ARMC2: variants seen among roughly 807,000 people sequenced by gnomAD.
The protein encoded by ARMC2 is armadillo repeat-containing protein 2.
In ARMC2, 67 loss-of-function variants were observed where a neutral mutation model predicts 90.3. That is an observed-to-expected ratio of 0.74 (90% CI 0.61 to 0.91). The LOEUF is 0.91. ARMC2 is among the 40% of genes least tolerant of loss of function. ARMC2 has a pLI of 0.00. For missense variants in ARMC2, 920 were observed against 1,030.9 expected, an observed-to-expected ratio of 0.89 and a Z score of 1.47; for synonymous variants, 393 against 393.0, an observed-to-expected ratio of 1.00 and a Z score of 0.00.
At chr6:108,994,508 T>C in the ARMC2 span, 9 of 1,613,336 alleles carry the variant, frequency 5.6e-6, no homozygotes, top group Non-Finnish European at 7.6e-6. Context: ...TTTCAAAACG[T>C]GAAGCCATCT....
chr6:109,016,580 T>C, the ARMC2 span, among the ~76,000 whole-genome samples: 1 of 152,262 alleles, frequency 6.6e-6, no homozygotes, highest in African/African-American at 2.4e-5. Context: ...TGCTGTTCAC[T>C]GAACTTTCCT....
intron 3 of ARMC2, among the ~76,000 whole-genome samples, chr6:108,859,337 G>A (rs1774977774): frequency 6.6e-6 from 1 of 151,914 alleles, no homozygotes; most frequent in Non-Finnish European, 1.5e-5. Context: ...TTCTCCTTGT[G>A]CTGGCTTTTT....
intron 12 of ARMC2, among the ~76,000 whole-genome samples, chr6:108,942,996 G>A (rs939269370): frequency 6.6e-6 from 1 of 152,208 alleles, no homozygotes; most frequent in African/African-American, 2.4e-5. Context: ...AGCGGATGGG[G>A]AGCTTCACAG....
intron 12 of ARMC2, among the ~76,000 whole-genome samples, chr6:108,950,674 A>G (rs1160080691): frequency 6.6e-6 from 1 of 152,194 alleles, no homozygotes; most frequent in African/African-American, 2.4e-5. Context: ...ACTATTGGAT[A>G]GTAAGCTTAG....
rs376422868 is a variant in ARMC2, at chr6:108,886,680, T to A, written c.672-7787T>A. Among the ~76,000 whole-genome samples, 25 of 152,282 alleles carry A rather than the reference T, an allele frequency of 1.6e-4. 1 individual carries two copies. The highest frequency in any genetic ancestry group is 1.4e-3 in the East Asian group (7 of 5,182). ...TTTACAGCCCTTGAGCTAATAATGG[T>A]TTATACACTTTTTTAAATCATTACA... On this transcript the variant is annotated intron_variant, in intron 5 of 17. Transcript: ENST00000392644.
chr6:108,970,788 G>A (rs936843348), intron 17 of ARMC2, among the ~76,000 whole-genome samples: 3 of 151,870 alleles, frequency 2.0e-5, no homozygotes, highest in Admixed American at 6.6e-5. Flanking sequence ...GTGAGCCACC[G>A]TACCCAGAAT....
chr6:109,008,078 CG>C, the ARMC2 span, among the ~76,000 whole-genome samples: 1 of 152,112 alleles, frequency 6.6e-6, no homozygotes, highest in Non-Finnish European at 1.5e-5. Flanking sequence ...CAAAGCTTCC[CG>C]GTTTCCTCAA....
the ARMC2 span, chr6:108,993,092 T>C: frequency 3.9e-6 from 2 of 517,188 alleles, no homozygotes; most frequent in Non-Finnish European, 6.8e-6. Flanking sequence ...TTTTCTGTTA[T>C]AAAATGAAAA....
chr6:109,000,799 A>G, the ARMC2 span: 7 of 710,612 alleles, frequency 9.9e-6, no homozygotes, highest in Non-Finnish European at 1.4e-5. Context: ...CGTAAACTAC[A>G]GAAATGCAGT....
chr6:108,991,752 G>A, the ARMC2 span, among the ~76,000 whole-genome samples: 1 of 151,942 alleles, frequency 6.6e-6, no homozygotes. Flanking sequence ...ATGCCATCAC[G>A]CTGGTCAAAG....
At chr6:109,030,551 G>A in the ARMC2 span, among the ~76,000 whole-genome samples, 1 of 152,122 alleles carries the variant, frequency 6.6e-6, no homozygotes, top group African/African-American at 2.4e-5. Flanking sequence ...AGGATGGGGT[G>A]GGAATAGGTG....
At chr6:108,952,917 C>A in intron 12 of ARMC2, 116 bp from the exon 13 acceptor site, 1 of 1,022,138 alleles carries the variant, frequency 9.8e-7, no homozygotes, top group Non-Finnish European at 1.4e-6. Context: ...GAGCCGAAGC[C>A]AGACGTGTTC....
chr6:108,926,207 A>G (rs1227070693), intron 10 of ARMC2, among the ~76,000 whole-genome samples: 1 of 152,148 alleles, frequency 6.6e-6, no homozygotes, highest in Non-Finnish European at 1.5e-5. Flanking sequence ...TGGGTATTTC[A>G]TGGTTTCCCA....
At chr6:108,992,990 C>T in the ARMC2 span, 1 of 763,302 alleles carries the variant, frequency 1.3e-6, no homozygotes, top group East Asian at 2.6e-5. Flanking sequence ...ATAACTCTTT[C>T]TCTGATACTG....
Position 108,848,476 on chromosome 6 carries a change from G to T in ARMC2, c.-114G>T, listed in dbSNP as rs1251003726. The T allele has an allele frequency of 1.3e-5, 2 of 152,410 alleles. No homozygotes were observed. The highest frequency in any genetic ancestry group is 2.9e-5 in the Non-Finnish European group (2 of 68,174). The allele number at this position is 152,410 out of a possible 1,614,324, so 9.4% of individuals were successfully genotyped here. ...CGCCCGCGCCAGCGCTGCATCCCTGGCCGCTACCCGGGGAGAGCCGGAGGA... is the reference window on the plus strand; with the variant it reads ...CGCCCGCGCCAGCGCTGCATCCCTGTCCGCTACCCGGGGAGAGCCGGAGGA... On this transcript the variant is annotated 5_prime_UTR_variant, in exon 1 of 18. Transcript: ENST00000392644.
intron 3 of ARMC2, among the ~76,000 whole-genome samples, chr6:108,858,756 C>G (rs1472367067): frequency 6.6e-6 from 1 of 152,092 alleles, no homozygotes; most frequent in African/African-American, 2.4e-5. Flanking sequence ...CTCCTGTCCC[C>G]TTGTTCTTCA....
intron 17 of ARMC2, among the ~76,000 whole-genome samples, chr6:108,965,691 A>T (rs1322723825): frequency 6.6e-6 from 1 of 152,060 alleles, no homozygotes; most frequent in Non-Finnish European, 1.5e-5. Context: ...GTCATCCAGG[A>T]TGGAATACAG....
intron 17 of ARMC2, among the ~76,000 whole-genome samples, chr6:108,970,353 A>G (rs1778676372): frequency 6.6e-6 from 1 of 152,132 alleles, no homozygotes; most frequent in Non-Finnish European, 1.5e-5. Flanking sequence ...TGCTAAAACC[A>G]CTAAATCTAA....
the ARMC2 span, among the ~76,000 whole-genome samples, chr6:108,984,115 T>C: frequency 0.1 from 15,342 of 152,252 alleles, 911 homozygotes; most frequent in Middle Eastern, 0.19. Flanking sequence ...TAATACCTGA[T>C]GATCTGAGGT....
Sources: allele counts gnomAD v4.1 joint callset (sites outside exome capture counted in the v4.1 genomes callset), GRCh38; gene constraint gnomAD v4.1.1; transcripts MANE v1.5; gene names NCBI Gene and HGNC (gene_info 2026-07-23, HGNC 2026-07-21).